Variants in PRICKLE2 observed in about 807,000 individuals in gnomAD.
PRICKLE2 encodes the protein prickle-like protein 2.
In PRICKLE2, 21 loss-of-function variants were observed where a neutral mutation model predicts 81.4. The observed-to-expected ratio is 0.26, with a 90% CI of 0.18 to 0.37. The LOEUF (loss-of-function observed/expected upper bound fraction) is 0.37. Ranked by LOEUF, PRICKLE2 falls within the 10% of genes least tolerant of loss-of-function variation. The probability of loss-of-function intolerance (pLI) is 1.00; values close to 1 mark genes in which losing one functional copy is unlikely to be tolerated. For missense variants in PRICKLE2, 940 were observed against 1,109.0 expected, an observed-to-expected ratio of 0.85 and a Z score of 2.16; for synonymous variants, 456 against 421.5, an observed-to-expected ratio of 1.08 and a Z score of -1.00.
chr3:64,105,174 C>T (rs913711074), intron 7 of PRICKLE2, among the ~76,000 whole-genome samples: 2 of 152,142 alleles, frequency 1.3e-5, no homozygotes, highest in Non-Finnish European at 2.9e-5. Flanking sequence ...TTAAAGTCCT[C>T]GTGTAGATGT....
intron 3 of PRICKLE2, 68 bp from the exon 4 acceptor site, chr3:64,160,145 C>T: frequency 1.9e-6 from 3 of 1,557,008 alleles, no homozygotes; most frequent in Middle Eastern, 1.7e-4. Flanking sequence ...AAGCCCATGA[C>T]TCTGAGTTTT....
At chr3:64,197,412 G>T (rs1446423389) in intron 2 of PRICKLE2, among the ~76,000 whole-genome samples, 2 of 152,092 alleles carry the variant, frequency 1.3e-5, no homozygotes, top group Non-Finnish European at 2.9e-5. Flanking sequence ...ATCTGTTCAT[G>T]ACCTTTGCCC....
At chr3:64,139,784 A>G (rs1446452547) in intron 7 of PRICKLE2, among the ~76,000 whole-genome samples, 1 of 151,964 alleles carries the variant, frequency 6.6e-6, no homozygotes, top group Non-Finnish European at 1.5e-5. Flanking sequence ...CCTTCTGACA[A>G]CTCTTCATAC....
intron 7 of PRICKLE2, among the ~76,000 whole-genome samples, chr3:64,123,220 T>A (rs965054313): frequency 1.3e-5 from 2 of 152,070 alleles, no homozygotes; most frequent in African/African-American, 4.8e-5. Flanking sequence ...AATCAAAGTA[T>A]CCAACAAGAA....
chr3:64,120,119 T>C (rs916950491), intron 7 of PRICKLE2, among the ~76,000 whole-genome samples: 1 of 152,172 alleles, frequency 6.6e-6, no homozygotes, highest in Non-Finnish European at 1.5e-5. Flanking sequence ...GCTCAGTACC[T>C]GGGTGACAGG....
At chr3:64,142,047 G>A (rs1174643608) in intron 7 of PRICKLE2, 11 of 656,914 alleles carry the variant, frequency 1.7e-5, no homozygotes, top group Non-Finnish European at 2.1e-5. Flanking sequence ...GTGAGGGACA[G>A]CAGCAAAAAC....
intron 2 of PRICKLE2, among the ~76,000 whole-genome samples, chr3:64,195,451 G>A (rs961586621): frequency 2.6e-5 from 4 of 152,276 alleles, no homozygotes; most frequent in Admixed American, 2.0e-4. Context: ...ACCTGGGAGT[G>A]AAATGAAAGG....
At chr3:64,159,792 T>C (rs1004742171) in intron 4 of PRICKLE2, 148 bp downstream of exon 4, 1 of 1,002,842 alleles carries the variant, frequency 1.0e-6, no homozygotes, top group African/African-American at 1.6e-5. Context: ...TCCAACTCCT[T>C]AGAAGGGCAA....
At chr3:64,241,907 T>C (rs1427171458) in intron 2 of PRICKLE2, among the ~76,000 whole-genome samples, 1 of 152,154 alleles carries the variant, frequency 6.6e-6, no homozygotes, top group Non-Finnish European at 1.5e-5. Flanking sequence ...ACCAGGTATC[T>C]AAACATGTCC....
intron 7 of PRICKLE2, among the ~76,000 whole-genome samples, chr3:64,113,543 C>A (rs1385175752): frequency 2.6e-5 from 4 of 152,158 alleles, no homozygotes; most frequent in African/African-American, 9.7e-5. Context: ...CATACTGCAG[C>A]TTCCCCGGGG....
At chr3:64,218,719 T>C (rs2107145793) in intron 1 of PRICKLE2, among the ~76,000 whole-genome samples, 1 of 152,258 alleles carries the variant, frequency 6.6e-6, no homozygotes, top group African/African-American at 2.4e-5. Flanking sequence ...TTATTTGAGG[T>C]TTACTCAAAT....
At chr3:64,125,891 A>G (rs2106975814) in intron 7 of PRICKLE2, among the ~76,000 whole-genome samples, 1 of 152,350 alleles carries the variant, frequency 6.6e-6, no homozygotes, top group South Asian at 2.1e-4. Context: ...ATTTCAGATA[A>G]GGGATGCCTA....
intron 1 of PRICKLE2, among the ~76,000 whole-genome samples, chr3:64,214,116 G>A (rs944557149): frequency 6.6e-6 from 1 of 152,168 alleles, no homozygotes; most frequent in Non-Finnish European, 1.5e-5. Context: ...GCCATCTCTG[G>A]TATGGACGTG....
At position 64,248,427 on chromosome 3, in the gene PRICKLE2, G is replaced by T. The variant is rs79908370; in HGVS notation, c.129-49460C>A. Among the ~76,000 whole-genome samples, 1,462 of 152,194 alleles carry T rather than the reference G, an allele frequency of 9.6e-3. 27 individuals carry two copies. Among genetic ancestry groups the T allele is most frequent in the African/African-American group, 0.034 (1,408 of 41,536 alleles). On this transcript the variant is annotated intron_variant, in intron 2 of 8. Coordinates refer to the PRICKLE2 transcript ENST00000295902. The stretch of plus-strand genomic sequence containing the variant: ...TTAATTAATGTGTAACCAACCTGTG[G>T]ATGCCGGGACACCCACATATGCAGT...
At chr3:64,194,499 C>T (rs1456653104) in intron 2 of PRICKLE2, among the ~76,000 whole-genome samples, 1 of 152,088 alleles carries the variant, frequency 6.6e-6, no homozygotes, top group Non-Finnish European at 1.5e-5. Flanking sequence ...CTTTTGGTAT[C>T]CAGTGGGTAG....
chr3:64,100,067 T>C (rs113459181), intron 7 of PRICKLE2, 142 bp from the exon 8 acceptor site: 2 of 881,678 alleles, frequency 2.3e-6, no homozygotes, highest in East Asian at 2.5e-5. Flanking sequence ...AGGGGGCACA[T>C]GTGCCTGTGA....
At chr3:64,134,518 T>C (rs1559529967) in intron 7 of PRICKLE2, among the ~76,000 whole-genome samples, 1 of 152,114 alleles carries the variant, frequency 6.6e-6, no homozygotes, top group Non-Finnish European at 1.5e-5. Context: ...TGGATGACAT[T>C]TTGTGCACTG....
At chr3:64,122,837 G>C (rs1016316300) in intron 7 of PRICKLE2, among the ~76,000 whole-genome samples, 104 of 152,140 alleles carry the variant, frequency 6.8e-4, no homozygotes, top group African/African-American at 2.3e-3. Context: ...TGGTGACCCA[G>C]CTCCCCCTGG....
Position 64,164,278 on chromosome 3 carries a change from A to G in PRICKLE2, c.145-1149T>C, listed in dbSNP as rs537260261. On this transcript the variant is annotated intron_variant, in intron 2 of 7. Transcript: ENST00000638394. ...TGTAATCCCAGCTACTCAGGAGGCT[A>G]AGGCAGGAGAATTGCTTGAACACAC... Among the ~76,000 whole-genome samples the G allele has an allele frequency of 2.0e-5, 3 of 152,294 alleles. No homozygotes were observed. In the East Asian group the frequency reaches 5.8e-4, roughly 29 times the overall value.
Sources: gnomAD v4.1 joint callset for allele counts (sites outside exome capture counted in the v4.1 genomes callset) on GRCh38, gnomAD v4.1.1 for gene constraint, MANE v1.5 for transcripts, NCBI Gene and HGNC (gene_info 2026-07-23, HGNC 2026-07-21) for gene names.